The following JAKMIP2 variants were observed in gnomAD, a reference collection of about 807,000 sequenced individuals.
JAKMIP2 encodes janus kinase and microtubule interacting protein 2, also known as janus kinase and microtubule-interacting protein 2.
A neutral mutation model predicts 115.0 loss-of-function variants in JAKMIP2; 25 were observed. The observed-to-expected ratio is 0.22, with a 90% confidence interval of 0.16 to 0.30. JAKMIP2 has a LOEUF of 0.30. Among genes scored for constraint, JAKMIP2 ranks in the 10% least tolerant of loss-of-function variants. The probability of loss-of-function intolerance (pLI) is 1.00; values close to 1 mark genes in which losing one functional copy is unlikely to be tolerated. For missense variants in JAKMIP2, 642 were observed against 957.6 expected, an observed-to-expected ratio of 0.67 and a Z score of 4.35; for synonymous variants, 334 against 343.6, an observed-to-expected ratio of 0.97 and a Z score of 0.31.
intron 14 of JAKMIP2, 23 bp from the exon 15 acceptor site, chr5:147,629,769 A>G (rs767495782): frequency 2.2e-5 from 35 of 1,605,384 alleles, no homozygotes; most frequent in Non-Finnish European, 2.9e-5. Flanking sequence ...GCAGAAACTC[A>G]TGTCAAAGAC....
intron 15 of JAKMIP2, among the ~76,000 whole-genome samples, chr5:147,629,257 T>A (rs1230184515): frequency 6.6e-6 from 1 of 152,218 alleles, no homozygotes; most frequent in African/African-American, 2.4e-5. Flanking sequence ...TGAATTAATG[T>A]GCCTTGACCC....
rs771462177 is a variant in JAKMIP2 at position 147,644,085 on chromosome 5, T to C, written c.1197A>G (p.Gln399=). The C allele has an allele frequency of 2.5e-6, 4 of 1,606,260 alleles. No homozygotes were observed. Among genetic ancestry groups the C allele is most frequent in the Non-Finnish European group, 3.4e-6 (4 of 1,174,788 alleles). Residue 399 remains glutamine, a synonymous_variant, in exon 7 of 22, where the codon CAA becomes CAG. Transcript: ENST00000616793. ...TTGTGAGCTCATCAATAATGTTCTG[T>C]TGCTCAATGACCTGAAGTTTTAGAA... The part of the protein sequence containing the change: ...TEFLKLQVIE[Q]QNIIDELTRD...
intron 1 of JAKMIP2, among the ~76,000 whole-genome samples, chr5:147,709,677 C>T (rs959631503): frequency 9.2e-5 from 14 of 151,916 alleles, no homozygotes; most frequent in African/African-American, 3.4e-4. Flanking sequence ...GGTGAAACCC[C>T]GTCTCTACTA....
chr5:147,619,721 C>T (rs150007127), intron 18 of JAKMIP2, among the ~76,000 whole-genome samples: 1 of 152,230 alleles, frequency 6.6e-6, no homozygotes, highest in African/African-American at 2.4e-5. Context: ...GCATAATCTT[C>T]TGTGGGAGAC....
chr5:147,721,315 C>T (rs2126942551), intron 1 of JAKMIP2, among the ~76,000 whole-genome samples: 1 of 152,306 alleles, frequency 6.6e-6, no homozygotes, highest in African/African-American at 2.4e-5. Flanking sequence ...TGTCTGTGCC[C>T]TGCCCCCAGA....
chr5:147,618,933 G>C (rs1372490561), intron 18 of JAKMIP2, among the ~76,000 whole-genome samples: 1 of 152,014 alleles, frequency 6.6e-6, no homozygotes, highest in African/African-American at 2.4e-5. Flanking sequence ...ATTTTTTCTT[G>C]AAATAAAATT....
rs776521006 is a variant in JAKMIP2 at position 147,639,610 on chromosome 5, A to C, written c.1530+22T>G. On this transcript the variant is annotated intron_variant, in intron 10 of 21. Transcript: ENST00000616793. ...TGACTGCTGCACGCTAATTCAGAGC[A>C]CTCTCACAGATACACACTAACCTTG... The C allele has an allele frequency of 5.6e-6, 9 of 1,594,530 alleles. No homozygotes were observed. In the South Asian group the frequency reaches 1.0e-4, roughly 18 times the overall value.
At chr5:147,764,549 A>G (rs1309527644) in intron 1 of JAKMIP2, among the ~76,000 whole-genome samples, 1 of 152,016 alleles carries the variant, frequency 6.6e-6, no homozygotes, top group Non-Finnish European at 1.5e-5. Context: ...TGAGTTAAGT[A>G]AAAGAGATTT....
chr5:147,605,578 G>A (rs1366164216), intron 20 of JAKMIP2, among the ~76,000 whole-genome samples: 1 of 152,084 alleles, frequency 6.6e-6, no homozygotes, highest in Non-Finnish European at 1.5e-5. Context: ...CTTTGTTATT[G>A]TGAATAGTGC....
At chr5:147,767,139 A>ATT (rs1256205853) in intron 1 of JAKMIP2, among the ~76,000 whole-genome samples, 1 of 152,198 alleles carries the variant, frequency 6.6e-6, no homozygotes, top group Admixed American at 6.5e-5. Flanking sequence ...TACAGCTTGA[A>ATT]TTTAATGACC....
chr5:147,700,828 T>C (rs1259454442), intron 1 of JAKMIP2, among the ~76,000 whole-genome samples: 1 of 152,200 alleles, frequency 6.6e-6, no homozygotes, highest in Non-Finnish European at 1.5e-5. Context: ...ATGCCTTTAA[T>C]ATAGAATTTT....
Position 147,674,113 on chromosome 5 carries a change from G to A in JAKMIP2, c.-148-2159C>T, listed in dbSNP as rs576048766. ...TAGCATAACTAATGCAGATGTCTTT[G>A]TTACATTAGTCCCCCCAAACCTTAT... On this transcript the variant is annotated intron_variant, in intron 1 of 21. Transcript: ENST00000616793. Among the ~76,000 whole-genome samples the A allele has an allele frequency of 1.1e-4, 17 of 152,236 alleles. No homozygotes were observed. The South Asian group carries it at 3.5e-3, about 32-fold the overall frequency.
rs1580769040 is a variant in JAKMIP2, at chr5:147,679,687, GT to G, written c.-148-7734del. On this transcript the variant is annotated intron_variant, in intron 1 of 21. Transcript: ENST00000616793. ...ACTTTGCAGACATTTACTTTTATTA[GT>G]TTTTAGATAGGGAAATTGAGGCTCA... is the stretch of plus-strand genomic sequence containing the variant. 3.3e-5 allele frequency among the ~76,000 whole-genome samples: 5 copies of G among 152,290 alleles called. No individual in the cohort carries two copies. The East Asian group carries it at 9.6e-4, about 29-fold the overall frequency.
chr5:147,717,435 G>T (rs1259329574), intron 1 of JAKMIP2, among the ~76,000 whole-genome samples: 1 of 139,002 alleles, frequency 7.2e-6, no homozygotes, highest in East Asian at 2.3e-4. Context: ...ATTACCTTGG[G>T]CAGTATGGCC....
intron 1 of JAKMIP2, among the ~76,000 whole-genome samples, chr5:147,742,155 A>ATATATATATATATATATATATATT: frequency 9.2e-6 from 1 of 108,882 alleles, no homozygotes; most frequent in South Asian, 3.1e-4. Context: ...ATATATATAT[A>ATATATATATATATATATATATATT]TTTTTTTTAC....
At chr5:147,695,264 G>A (rs1415598569) in intron 1 of JAKMIP2, among the ~76,000 whole-genome samples, 1 of 152,152 alleles carries the variant, frequency 6.6e-6, no homozygotes, top group African/African-American at 2.4e-5. Flanking sequence ...CTATTTAGTA[G>A]TTGAGAGGCT....
intron 7 of JAKMIP2, among the ~76,000 whole-genome samples, chr5:147,643,069 T>C (rs1313254996): frequency 6.6e-6 from 1 of 152,072 alleles, no homozygotes; most frequent in African/African-American, 2.4e-5. Flanking sequence ...AGATGACCTA[T>C]TGTGGGACCT....
intron 11 of JAKMIP2, chr5:147,636,489 A>T (rs1423823420): frequency 1.5e-5 from 9 of 592,146 alleles, no homozygotes; most frequent in Non-Finnish European, 2.7e-5. Flanking sequence ...TTTCATCATC[A>T]CTCCCTATTT....
chr5:147,698,605 G>A (rs542207868), intron 1 of JAKMIP2, among the ~76,000 whole-genome samples: 2 of 152,266 alleles, frequency 1.3e-5, no homozygotes, highest in East Asian at 3.9e-4. Flanking sequence ...TCTCATGATA[G>A]TGAGTGAGTT....
Sources: allele counts gnomAD v4.1 joint callset (sites outside exome capture counted in the v4.1 genomes callset), GRCh38; gene constraint gnomAD v4.1.1; transcripts MANE v1.5; gene names NCBI Gene and HGNC (gene_info 2026-07-23, HGNC 2026-07-21).